KIF3A: variants seen among roughly 807,000 people sequenced by gnomAD.
KIF3A encodes the protein kinesin-like protein KIF3A.
In KIF3A, 27 loss-of-function variants were observed where a neutral mutation model predicts 92.6. That is an observed-to-expected ratio of 0.29 (90% CI 0.21 to 0.40). The LOEUF (loss-of-function observed/expected upper bound fraction) is 0.40, where lower values mean the gene tolerates loss of function less well. Ranked by LOEUF, KIF3A falls within the 10% of genes least tolerant of loss-of-function variation. The probability of loss-of-function intolerance (pLI) is 1.00; values close to 1 mark genes in which losing one functional copy is unlikely to be tolerated. For missense variants in KIF3A, 581 were observed against 872.6 expected, an observed-to-expected ratio of 0.67 and a Z score of 4.21; for synonymous variants, 250 against 275.4, an observed-to-expected ratio of 0.91 and a Z score of 0.92.
intron 2 of KIF3A, among the ~76,000 whole-genome samples, chr5:132,730,424 G>C (rs1186792133): frequency 6.7e-6 from 1 of 149,838 alleles, no homozygotes; most frequent in African/African-American, 2.5e-5. Flanking sequence ...CCGAGATCGC[G>C]CCACTGCACT....
intron 4 of KIF3A, among the ~76,000 whole-genome samples, chr5:132,724,806 A>AAAAAATAT (rs59476182): frequency 8.8e-5 from 2 of 22,694 alleles, no homozygotes; most frequent in East Asian, 1.7e-3. Flanking sequence ...AAAAAAAAAA[A>AAAAAATAT]ATATATATAT....
chr5:132,690,438 C>G (rs1481145448), downstream of KIF3A, among the ~76,000 whole-genome samples: 1 of 151,952 alleles, frequency 6.6e-6, no homozygotes, highest in East Asian at 1.9e-4. Flanking sequence ...GATAGAAGGT[C>G]TAGTGTTTTT....
At position 132,703,034 on chromosome 5, in the gene KIF3A, A is replaced by G; in HGVS notation, c.1498T>C (p.Ser500Pro). 6.2e-7 allele frequency: 1 copy of G among 1,612,384 alleles called. No homozygotes were observed. Among genetic ancestry groups the G allele is most frequent in the Non-Finnish European group, 8.5e-7 (1 of 1,179,548 alleles). The change falls in exon 13 of 19, where the codon TCT (serine) becomes CCT (proline). Residue 500 changes from serine to proline, a missense_variant. Physicochemically the swap from Ser to Pro is moderately conservative, Grantham distance 74 (BLOSUM62 -1). Around this residue, in one of 5 missense-constraint regions of KIF3A, gnomAD observed 167 missense variants for 205.8 expected, o/e 0.81. Transcript: ENST00000403231. Reference sequence around the variant, plus strand: ...ACAATTACCTTCTTTTCCAGGGCAGATAATTTTTCCAGCAAAGACTGATGC... The same window carrying G: ...ACAATTACCTTCTTTTCCAGGGCAGGTAATTTTTCCAGCAAAGACTGATGC... ...QEHQSLLEKL[S>P]ALEKKVIVGG...
In KIF3A at chr5:132,724,814, TATATATATATA is replaced by T. The variant is rs1753972977; in HGVS notation, c.510+1303_510+1313del. Among the ~76,000 whole-genome samples, 19 of 13,730 alleles carry T rather than the reference TATATATATATA, an allele frequency of 1.4e-3. 1 individual carries two copies. The highest frequency in any genetic ancestry group is 4.7e-3 in the South Asian group (2 of 428). The allele number at this position is 13,730 out of a possible 152,430, so 9.0% of individuals were successfully genotyped here. On this transcript the variant is annotated intron_variant, in intron 4 of 18. Coordinates refer to ENST00000403231, the MANE Select transcript of KIF3A (RefSeq NM_001300791.2). ...TAATAAAAAAAAAAAAAAATATATATATATATATATATATATATATATATATATATATATAT... is the reference window on the plus strand; with the variant it reads ...TAATAAAAAAAAAAAAAAATATATATTATATATATATATATATATATATAT...
At position 132,734,168 on chromosome 5, in the gene KIF3A, A is replaced by G. The variant is rs1754319290; in HGVS notation, c.280+37T>C. On this transcript the variant is annotated intron_variant, in intron 2 of 18. Transcript: ENST00000403231. Reference sequence around the variant, plus strand: ...ATTTATGGCACAGTAATTATGTCTCAATAAGGGAGTTTTTTAAAAAGTAAA... The same window carrying G: ...ATTTATGGCACAGTAATTATGTCTCGATAAGGGAGTTTTTTAAAAAGTAAA... The G allele has an allele frequency of 3.3e-6, 5 of 1,515,348 alleles. No homozygotes were observed. In the South Asian group the frequency reaches 3.6e-5, roughly 11 times the overall value. 93.9% of individuals were successfully genotyped at this position (1,515,348 alleles called of 1,614,324 possible). A position where few individuals can be genotyped will look rare whatever the true frequency, so the allele number is the denominator to read the frequency against.
At chr5:132,718,667 C>T (rs945919281) in intron 5 of KIF3A, among the ~76,000 whole-genome samples, 1 of 151,790 alleles carries the variant, frequency 6.6e-6, no homozygotes, top group African/African-American at 2.4e-5. Context: ...TCCTCTATTG[C>T]CCAGGCTGGA....
intron 4 of KIF3A, among the ~76,000 whole-genome samples, chr5:132,725,774 T>C (rs943070522): frequency 2.6e-5 from 4 of 152,198 alleles, no homozygotes; most frequent in African/African-American, 7.2e-5. Context: ...TATTCTACAA[T>C]GGCAGCTACT....
chr5:132,709,577 G>A (rs1753343294), intron 9 of KIF3A, among the ~76,000 whole-genome samples: 1 of 152,080 alleles, frequency 6.6e-6, no homozygotes. Flanking sequence ...CATATTACTG[G>A]CATTTTTCTA....
chr5:132,726,280 A>C (rs1000265307), intron 3 of KIF3A, 68 bp from the exon 4 acceptor site: 3 of 1,565,816 alleles, frequency 1.9e-6, no homozygotes, highest in Non-Finnish European at 2.6e-6. Context: ...AAATATGTTT[A>C]TAAAATTTAT....
At chr5:132,707,119 C>T (rs1390306961) in intron 10 of KIF3A, among the ~76,000 whole-genome samples, 6 of 150,054 alleles carry the variant, frequency 4.0e-5, no homozygotes, top group South Asian at 4.2e-4. Context: ...ATTTCCCAAC[C>T]GGATTAAGGG....
rs1561685129 is a variant in KIF3A at position 132,694,525 on chromosome 5, T to C, written c.*2109A>G. 1.3e-5 allele frequency: 2 copies of C among 152,376 alleles called. No homozygotes were observed. The highest frequency in any genetic ancestry group is 4.8e-5 in the African/African-American group (2 of 41,464). The allele number at this position is 152,376 out of a possible 1,614,324, so 9.4% of individuals were successfully genotyped here. ...GGTGGGATAGAAAAAATATCTAACA[T>C]ACTGGCTTAAATTTCCATGTTTTAA... On this transcript the variant is annotated 3_prime_UTR_variant, in exon 19 of 19. Transcript: ENST00000403231.
intron 15 of KIF3A, among the ~76,000 whole-genome samples, chr5:132,701,070 T>A (rs1003146509): frequency 6.6e-6 from 1 of 150,404 alleles, no homozygotes; most frequent in African/African-American, 2.5e-5. Flanking sequence ...AAGCAGGCCA[T>A]CCAAGGACCA....
intron 2 of KIF3A, among the ~76,000 whole-genome samples, chr5:132,729,321 A>G: frequency 6.6e-6 from 1 of 152,164 alleles, no homozygotes; most frequent in African/African-American, 2.4e-5. Flanking sequence ...ACATGGTGGG[A>G]TGCTCCTGTA....
chr5:132,716,614 T>C (rs1229844853), intron 6 of KIF3A, among the ~76,000 whole-genome samples, 172 bp from the exon 7 acceptor site: 1 of 152,192 alleles, frequency 6.6e-6, no homozygotes, highest in Non-Finnish European at 1.5e-5. Context: ...GAAACAAGAT[T>C]AGCCATGAGC....
chr5:132,712,963 T>A (rs1477943287), intron 8 of KIF3A, among the ~76,000 whole-genome samples: 1 of 152,096 alleles, frequency 6.6e-6, no homozygotes, highest in Non-Finnish European at 1.5e-5. Flanking sequence ...ATAAAGACCA[T>A]CCTGGCAAAC....
At chr5:132,722,469 T>G (rs1286986165) in intron 4 of KIF3A, among the ~76,000 whole-genome samples, 1 of 152,182 alleles carries the variant, frequency 6.6e-6, no homozygotes, top group Admixed American at 6.6e-5. Flanking sequence ...GACACTGTAG[T>G]TATTGACAGG....
In KIF3A at chr5:132,725,420, G is replaced by A. The variant is rs995531834; in HGVS notation, c.510+708C>T. Among the ~76,000 whole-genome samples, 84 of 152,210 alleles carry A rather than the reference G, an allele frequency of 5.5e-4. 2 individuals carry two copies. Among genetic ancestry groups the A allele is most frequent in the Admixed American group, 5.3e-3 (81 of 15,286 alleles). On this transcript the variant is annotated intron_variant, in intron 4 of 18. Transcript: ENST00000403231. ...CTGTTAGTATTGGTAATAATCCTACGAAGTGGATACCATTATTATTTCCAT... is the reference window on the plus strand; with the variant it reads ...CTGTTAGTATTGGTAATAATCCTACAAAGTGGATACCATTATTATTTCCAT...
At chr5:132,716,659 G>T (rs185395640) in intron 6 of KIF3A, among the ~76,000 whole-genome samples, 186 bp downstream of exon 6, 2 of 152,062 alleles carry the variant, frequency 1.3e-5, no homozygotes, top group Non-Finnish European at 2.9e-5. Flanking sequence ...GTGTATGGGG[G>T]ATCACTATAC....
In KIF3A at chr5:132,703,570, A is replaced by C; in HGVS notation, c.1359T>G (p.Ile453Met). The C allele has an allele frequency of 6.2e-7, 1 of 1,611,706 alleles. No homozygotes were observed. Among genetic ancestry groups the C allele is most frequent in the Non-Finnish European group, 8.5e-7 (1 of 1,178,912 alleles). ...PDKMIEMQAK[I>M]DEERKALETK... ...TTTCAAGTGCTTTTCTCTCCTCATC[A>C]ATTTTTGCTTGCATTTCAATCATCT... Residue 453 changes from isoleucine to methionine, a missense_variant, in exon 12 of 19, where the codon ATT becomes ATG. Coordinates refer to ENST00000403231, the MANE Select transcript of KIF3A (RefSeq NM_001300791.2).
Sources: allele counts gnomAD v4.1 joint callset (sites outside exome capture counted in the v4.1 genomes callset), GRCh38; gene constraint gnomAD v4.1.1; regional missense constraint gnomAD v4.1.1; transcripts MANE v1.5; gene names NCBI Gene and HGNC (gene_info 2026-07-23, HGNC 2026-07-21).